Variants in SEMA6D observed in about 807,000 individuals in gnomAD.
SEMA6D encodes the protein semaphorin-6D.
A neutral mutation model predicts 106.6 loss-of-function variants in SEMA6D; 35 were observed. The observed-to-expected ratio is 0.33, with a 90% CI of 0.25 to 0.44. SEMA6D has a LOEUF of 0.44. Ranked by LOEUF, SEMA6D falls within the 20% of genes least tolerant of loss-of-function variation. SEMA6D has a pLI of 1.00. For synonymous variants in SEMA6D, 499 were observed against 487.7 expected, an observed-to-expected ratio of 1.02 and a Z score of -0.31; for missense variants, 1,185 against 1,345.9, an observed-to-expected ratio of 0.88 and a Z score of 1.87.
intron 1 of SEMA6D, among the ~76,000 whole-genome samples, chr15:47,235,367 G>A (rs899622145): frequency 5.3e-5 from 8 of 151,678 alleles, no homozygotes; most frequent in Non-Finnish European, 1.2e-4. Context: ...TTATTATGTT[G>A]CATTTGCTTT....
chr15:47,408,966 T>C (rs1487607491), intron 1 of SEMA6D, among the ~76,000 whole-genome samples: 1 of 152,216 alleles, frequency 6.6e-6, no homozygotes, highest in Non-Finnish European at 1.5e-5. Context: ...GTCTGTTTTG[T>C]TGCCAGTTGT....
At chr15:47,636,173 G>T (rs190491596) in intron 4 of SEMA6D, among the ~76,000 whole-genome samples, 128 of 152,152 alleles carry the variant, frequency 8.4e-4, no homozygotes, top group African/African-American at 2.8e-3. Context: ...TGTGGTGATG[G>T]TTACACGACT....
chr15:47,497,167 TGTTGCCAGA>T (rs2043693932), intron 3 of SEMA6D, among the ~76,000 whole-genome samples: 2 of 152,176 alleles, frequency 1.3e-5, no homozygotes, highest in South Asian at 4.1e-4. Flanking sequence ...CATTCCTCTT[TGTTGCCAGA>T]GTTTATTCTT....
rs184255444 is a variant in SEMA6D at position 47,227,043 on chromosome 15, G to A, written c.-239+42625G>A. Among the ~76,000 whole-genome samples the A allele has an allele frequency of 3.7e-3, 570 of 152,150 alleles. 6 individuals are homozygous for A. The highest frequency in any genetic ancestry group is 0.013 in the African/African-American group (543 of 41,552). ...CCTCCTGCCAGCCAAAGGTGTAATA[G>A]GATGAATTTGTTAAAATGCCAAAGA... On this transcript the variant is annotated intron_variant, in intron 1 of 19. Transcript: ENST00000558014.
At chr15:47,288,813 C>T (rs758510605) in intron 1 of SEMA6D, among the ~76,000 whole-genome samples, 1 of 152,228 alleles carries the variant, frequency 6.6e-6, no homozygotes, top group African/African-American at 2.4e-5. Context: ...CACCTGTACA[C>T]TCCACAGCCC....
chr15:47,498,683 T>C (rs1245726974), intron 3 of SEMA6D, among the ~76,000 whole-genome samples: 1 of 152,176 alleles, frequency 6.6e-6, no homozygotes, highest in Admixed American at 6.6e-5. Context: ...AAATATATGT[T>C]ATAAATTTTG....
chr15:47,312,848 T>C (rs1438950229), intron 1 of SEMA6D, among the ~76,000 whole-genome samples: 1 of 152,228 alleles, frequency 6.6e-6, no homozygotes. Context: ...GGTATATTTA[T>C]ATACTTATAG....
chr15:47,693,025 A>G (rs558021849), intron 4 of SEMA6D, among the ~76,000 whole-genome samples: 2 of 152,236 alleles, frequency 1.3e-5, no homozygotes, highest in East Asian at 3.9e-4. Flanking sequence ...TTGTACCCCT[A>G]TTCCTCCAAA....
intron 4 of SEMA6D, among the ~76,000 whole-genome samples, chr15:47,644,883 T>C (rs1298114765): frequency 6.6e-6 from 1 of 152,186 alleles, no homozygotes; most frequent in Non-Finnish European, 1.5e-5. Flanking sequence ...AGTGTTTCTT[T>C]TGGGGGCCTG....
At chr15:47,514,747 C>T (rs2044334516) in intron 3 of SEMA6D, among the ~76,000 whole-genome samples, 1 of 152,174 alleles carries the variant, frequency 6.6e-6, no homozygotes, top group African/African-American at 2.4e-5. Context: ...ACAGTCTATT[C>T]TCAACACTTG....
chr15:47,502,147 G>A (rs552984182), intron 3 of SEMA6D, among the ~76,000 whole-genome samples: 42 of 152,118 alleles, frequency 2.8e-4, no homozygotes, highest in East Asian at 5.8e-4. Context: ...AATCTGTGCC[G>A]TACACATATT....
intron 1 of SEMA6D, among the ~76,000 whole-genome samples, chr15:47,255,068 G>T (rs1257747845): frequency 6.6e-6 from 1 of 152,028 alleles, no homozygotes; most frequent in Non-Finnish European, 1.5e-5. Flanking sequence ...TGTACCATCA[G>T]GTTCTTGGCT....
chr15:47,712,248 A>G (rs540768699), intron 4 of SEMA6D, among the ~76,000 whole-genome samples: 1 of 152,174 alleles, frequency 6.6e-6, no homozygotes, highest in Non-Finnish European at 1.5e-5. Context: ...TGAATATCTA[A>G]TTGTGGGTTT....
At chr15:47,216,351 C>A (rs536945742) in intron 1 of SEMA6D, among the ~76,000 whole-genome samples, 1 of 152,074 alleles carries the variant, frequency 6.6e-6, no homozygotes, top group Non-Finnish European at 1.5e-5. Context: ...AACAAACATA[C>A]GCACAAGCAT....
intron 2 of SEMA6D, among the ~76,000 whole-genome samples, chr15:47,455,462 A>G (rs978246757): frequency 6.6e-6 from 1 of 152,002 alleles, no homozygotes; most frequent in African/African-American, 2.4e-5. Context: ...CATCCACACT[A>G]GGTGATAGGA....
intron 1 of SEMA6D, among the ~76,000 whole-genome samples, chr15:47,290,286 A>T (rs2035541270): frequency 6.6e-6 from 1 of 151,426 alleles, no homozygotes; most frequent in African/African-American, 2.4e-5. Flanking sequence ...ATAATGCAAC[A>T]TTTTTTTTTC....
intron 1 of SEMA6D, among the ~76,000 whole-genome samples, chr15:47,320,092 G>T (rs546819491): frequency 4.5e-4 from 69 of 152,166 alleles, no homozygotes; most frequent in African/African-American, 1.6e-3. Flanking sequence ...TTTCTTTGTT[G>T]TTAGGACAGA....
chr15:47,738,910 T>C (rs1347338592), intron 1 of SEMA6D, among the ~76,000 whole-genome samples: 1 of 152,296 alleles, frequency 6.6e-6, no homozygotes, highest in East Asian at 1.9e-4. Context: ...GTGCTGCCTG[T>C]CAGCTCAGGG....
At chr15:47,307,552 ATGT>A (rs2036277492) in intron 1 of SEMA6D, among the ~76,000 whole-genome samples, 1 of 152,130 alleles carries the variant, frequency 6.6e-6, no homozygotes, top group Non-Finnish European at 1.5e-5. Flanking sequence ...AAGCTCACAG[ATGT>A]ACTAATCTTT....
Sources: gnomAD v4.1 joint callset for allele counts (sites outside exome capture counted in the v4.1 genomes callset) on GRCh38, gnomAD v4.1.1 for gene constraint, MANE v1.5 for transcripts, NCBI Gene and HGNC (gene_info 2026-07-23, HGNC 2026-07-21) for gene names.